Variants in HGF observed in about 807,000 individuals in gnomAD.
HGF encodes fibroblast-derived tumor cytotoxic factor.
A neutral mutation model predicts 111.6 loss-of-function variants in HGF; 39 were observed. That is an observed-to-expected ratio of 0.35 (90% CI 0.27 to 0.46). The LOEUF (loss-of-function observed/expected upper bound fraction) is 0.46. Among genes scored for constraint, HGF ranks in the 20% least tolerant of loss-of-function variants. The pLI is 1.00. For missense variants in HGF, 735 were observed against 910.5 expected (o/e 0.81, Z 2.48); for synonymous variants, 285 against 294.8 (o/e 0.97, Z 0.34).
Position 81,758,949 on chromosome 7 carries a change from A to G in HGF, c.255-145T>C, listed in dbSNP as rs899217822. 1.7e-5 allele frequency: 10 copies of G among 579,212 alleles called. No individual in the cohort carries two copies. In the African/African-American group the frequency reaches 1.9e-4, roughly 11 times the overall value. The allele number at this position is 579,212 out of a possible 1,614,324, so 35.9% of individuals were successfully genotyped here. A position where few individuals can be genotyped will look rare whatever the true frequency, so the allele number is the denominator to read the frequency against. On this transcript the variant is annotated intron_variant, in intron 2 of 17. Coordinates refer to ENST00000222390, the MANE Select transcript of HGF (RefSeq NM_000601.6). Reference sequence around the variant, plus strand: ...ACATATACATAATAAAAATATGAGTAAAATTTGAACCTACCATTTTGATAG... The same window carrying G: ...ACATATACATAATAAAAATATGAGTGAAATTTGAACCTACCATTTTGATAG...
At chr7:81,769,337 G>C (rs1041037517) in intron 1 of HGF, among the ~76,000 whole-genome samples, 2 of 152,148 alleles carry the variant, frequency 1.3e-5, no homozygotes, top group South Asian at 4.1e-4. Context: ...TCTTTAAAAA[G>C]AGGCTTTCTC....
At chr7:81,731,165 G>A (rs571719582) in intron 7 of HGF, among the ~76,000 whole-genome samples, 15 of 152,208 alleles carry the variant, frequency 9.9e-5, no homozygotes, top group East Asian at 7.7e-4. Context: ...GTTATTCTAC[G>A]AAGCTTTGTG....
chr7:81,758,297 A>G (rs1788883257), intron 3 of HGF, among the ~76,000 whole-genome samples: 2 of 152,174 alleles, frequency 1.3e-5, no homozygotes, highest in Middle Eastern at 3.4e-3. Flanking sequence ...TAATTTAGTT[A>G]TCCAACATTG....
chr7:81,747,545 A>G (rs1037711545), intron 5 of HGF, among the ~76,000 whole-genome samples: 1 of 152,210 alleles, frequency 6.6e-6, no homozygotes, highest in Non-Finnish European at 1.5e-5. Context: ...TAAATAAATA[A>G]AAGTTAGCAA....
At chr7:81,717,469 A>T (rs1307646720) in intron 10 of HGF, 104 bp from the exon 11 acceptor site, 1 of 1,119,720 alleles carries the variant, frequency 8.9e-7, no homozygotes, top group Non-Finnish European at 1.4e-6. Flanking sequence ...TTCACTGTAG[A>T]TACAGCATAA....
intron 11 of HGF, 103 bp downstream of exon 11, chr7:81,717,129 A>G: frequency 8.7e-7 from 1 of 1,147,774 alleles, no homozygotes. Context: ...GAGCTTCCTC[A>G]TTTGGGAATA....
chr7:81,722,320 C>A (rs1562879677), intron 9 of HGF, among the ~76,000 whole-genome samples: 2 of 151,600 alleles, frequency 1.3e-5, no homozygotes, highest in African/African-American at 2.4e-5. Flanking sequence ...TGCATCACCA[C>A]ACCTGGCTAA....
chr7:81,740,833 G>A (rs1583968608), intron 7 of HGF, among the ~76,000 whole-genome samples: 1 of 152,168 alleles, frequency 6.6e-6, no homozygotes, highest in East Asian at 1.9e-4. Context: ...GGTGAGGTAG[G>A]CACCTTGATC....
chr7:81,732,506 C>T (rs1017126586), intron 7 of HGF, among the ~76,000 whole-genome samples: 11 of 151,954 alleles, frequency 7.2e-5, no homozygotes, highest in African/African-American at 2.4e-4. Context: ...AAGGGTGATT[C>T]GAATTTCTAA....
chr7:81,754,996 C>A (rs1164782428), intron 4 of HGF: 1 of 151,992 alleles, frequency 6.6e-6, no homozygotes, highest in Non-Finnish European at 1.5e-5. Flanking sequence ...TGGGTTACAT[C>A]CAAATATACT....
At chr7:81,733,106 TA>T (rs1162314443) in intron 7 of HGF, among the ~76,000 whole-genome samples, 6 of 152,090 alleles carry the variant, frequency 3.9e-5, no homozygotes, top group African/African-American at 7.2e-5. Context: ...TAGCATATTT[TA>T]AAGCATTTAC....
At chr7:81,744,804 C>G (rs5745668) in intron 6 of HGF, among the ~76,000 whole-genome samples, 196 bp downstream of exon 6, 1,642 of 152,108 alleles carry the variant, frequency 0.011, 34 homozygotes, top group African/African-American at 0.038. Context: ...ATCTTTTTGC[C>G]CTTAGACTAT....
chr7:81,712,531 G>A (rs2115812568), intron 11 of HGF, among the ~76,000 whole-genome samples: 1 of 152,280 alleles, frequency 6.6e-6, no homozygotes, highest in Non-Finnish European at 1.5e-5. Flanking sequence ...AAAACCTGTA[G>A]CTTACTACTT....
At chr7:81,722,083 A>G (rs1260094263) in intron 9 of HGF, among the ~76,000 whole-genome samples, 1 of 152,214 alleles carries the variant, frequency 6.6e-6, no homozygotes, top group African/African-American at 2.4e-5. Flanking sequence ...TAGAAATAGT[A>G]AATTAAATGT....
chr7:81,711,362 G>C, intron 12 of HGF, 119 bp downstream of exon 12: 1 of 513,450 alleles, frequency 1.9e-6, no homozygotes, highest in Non-Finnish European at 3.4e-6. Context: ...AAAATAAATA[G>C]ATTAACTTCT....
At chr7:81,766,129 G>C (rs73148754) in intron 1 of HGF, among the ~76,000 whole-genome samples, 3,877 of 152,252 alleles carry the variant, frequency 0.025, 89 homozygotes, top group Non-Finnish European at 0.035. Context: ...AGGGTCAAAT[G>C]TATCAAGGTG....
intron 7 of HGF, among the ~76,000 whole-genome samples, chr7:81,738,746 T>G (rs1466583262): frequency 1.3e-5 from 2 of 152,154 alleles, no homozygotes; most frequent in Non-Finnish European, 2.9e-5. Flanking sequence ...ATCTTTTTCT[T>G]TACTGGTTTG....
intron 5 of HGF, among the ~76,000 whole-genome samples, chr7:81,746,660 T>G (rs906894273): frequency 3.3e-5 from 5 of 152,162 alleles, no homozygotes; most frequent in Admixed American, 6.6e-5. Flanking sequence ...ATTACATCTA[T>G]TATGCCTCCT....
chr7:81,723,245 A>G (rs1789919775), intron 9 of HGF, among the ~76,000 whole-genome samples: 1 of 152,180 alleles, frequency 6.6e-6, no homozygotes, highest in African/African-American at 2.4e-5. Flanking sequence ...GAAAGTAGAA[A>G]TGGAATGGCA....
Sources: gnomAD v4.1 joint callset for allele counts (sites outside exome capture counted in the v4.1 genomes callset) on GRCh38, gnomAD v4.1.1 for gene constraint, MANE v1.5 for transcripts, NCBI Gene and HGNC (gene_info 2026-07-23, HGNC 2026-07-21) for gene names.